The following ENOX1 variants were observed in gnomAD, a reference collection of about 807,000 sequenced individuals.
ENOX1 encodes candidate growth-related and time keeping constitutive hydroquinone (NADH) oxidase.
ENOX1 carries 42 observed loss-of-function variants against 82.5 expected under a neutral mutation model. The ratio of observed to expected loss-of-function variants is 0.51; its 90% CI spans 0.40 to 0.66. ENOX1 has a LOEUF of 0.66. Ranked by LOEUF, ENOX1 falls within the 30% of genes least tolerant of loss-of-function variation. The pLI, the probability that ENOX1 is intolerant of heterozygous loss-of-function variation, is 0.00. For missense variants in ENOX1, 608 were observed against 811.6 expected (o/e 0.75, Z 3.05); for synonymous variants, 271 against 282.2 (o/e 0.96, Z 0.40).
chr13:43,769,752 G>A (rs1396347620), intron 1 of ENOX1, among the ~76,000 whole-genome samples: 1 of 152,118 alleles, frequency 6.6e-6, no homozygotes, highest in Non-Finnish European at 1.5e-5. Context: ...AAAACCACAG[G>A]AGCTTTGATT....
intron 1 of ENOX1, among the ~76,000 whole-genome samples, chr13:43,688,424 C>T (rs1994874): frequency 0.098 from 14,840 of 152,040 alleles, 1,214 homozygotes; most frequent in East Asian, 0.28. Context: ...GGCAATTGAC[C>T]AGATGAGAGG....
At chr13:43,754,230 T>C (rs980973788) in intron 1 of ENOX1, among the ~76,000 whole-genome samples, 7 of 148,590 alleles carry the variant, frequency 4.7e-5, no homozygotes, top group Non-Finnish European at 7.4e-5. Flanking sequence ...CATACATGTG[T>C]ATACATATGT....
chr13:43,308,412 G>A (rs1188939574), intron 11 of ENOX1, among the ~76,000 whole-genome samples: 1 of 151,770 alleles, frequency 6.6e-6, no homozygotes, highest in Non-Finnish European at 1.5e-5. Context: ...AACCCGTTTT[G>A]TCCTTCTTTC....
chr13:43,228,494 T>G (rs1295299461), intron 15 of ENOX1, among the ~76,000 whole-genome samples: 2 of 152,242 alleles, frequency 1.3e-5, no homozygotes, highest in Non-Finnish European at 2.9e-5. Context: ...TAAAAACTAC[T>G]TTAGAAAGAG....
At chr13:43,390,454 C>A (rs982214792) in intron 5 of ENOX1, among the ~76,000 whole-genome samples, 1 of 151,726 alleles carries the variant, frequency 6.6e-6, no homozygotes, top group Non-Finnish European at 1.5e-5. Flanking sequence ...ACTGTGTCAG[C>A]CAATAATGCA....
At position 43,312,522 on chromosome 13, in the gene ENOX1, C is replaced by T. The variant is rs779031933; in HGVS notation, c.1261+9862G>A. ...AAGCATGTGCCTGAGGTTTGAGGAA[C>T]GTCTTCATTTTTCTCTTTATCTTTT... On this transcript the variant is annotated intron_variant, in intron 11 of 16. Coordinates refer to ENST00000690772, the MANE Select transcript of ENOX1 (RefSeq NM_001347969.2). Among the ~76,000 whole-genome samples the T allele has an allele frequency of 1.6e-4, 24 of 152,128 alleles. 1 individual carries two copies. The highest frequency in any genetic ancestry group is 4.1e-4 in the South Asian group (2 of 4,820).
intron 11 of ENOX1, among the ~76,000 whole-genome samples, chr13:43,310,075 C>T (rs1053530852): frequency 1.8e-4 from 27 of 151,570 alleles, no homozygotes; most frequent in South Asian, 4.2e-4. Flanking sequence ...TGGTGGCACA[C>T]ACCTGTAGTC....
intron 5 of ENOX1, among the ~76,000 whole-genome samples, chr13:43,383,667 T>A (rs2052218672): frequency 6.6e-6 from 1 of 152,206 alleles, no homozygotes. Flanking sequence ...GGCCTCCTGC[T>A]GCTGTTGTTT....
chr13:43,562,576 C>G (rs1272854293), intron 2 of ENOX1, among the ~76,000 whole-genome samples: 1 of 152,084 alleles, frequency 6.6e-6, no homozygotes. Flanking sequence ...CCAAAAGGCA[C>G]AGAGTGGCTG....
At chr13:43,707,524 A>G (rs1594496490) in intron 1 of ENOX1, among the ~76,000 whole-genome samples, 1 of 152,240 alleles carries the variant, frequency 6.6e-6, no homozygotes, top group East Asian at 1.9e-4. Flanking sequence ...TCATGAGGTC[A>G]AGAGATCGAG....
At chr13:43,515,995 C>G (rs1257334097) in intron 2 of ENOX1, among the ~76,000 whole-genome samples, 1 of 152,142 alleles carries the variant, frequency 6.6e-6, no homozygotes, top group Non-Finnish European at 1.5e-5. Flanking sequence ...TAACCTATAC[C>G]TGCAAATCTA....
chr13:43,514,123 C>T (rs1289997305), intron 2 of ENOX1, among the ~76,000 whole-genome samples: 1 of 152,078 alleles, frequency 6.6e-6, no homozygotes, highest in Non-Finnish European at 1.5e-5. Context: ...CTTCTTGAGA[C>T]AAAGAGGCAA....
At chr13:43,494,682 G>T (rs1443998258) in intron 2 of ENOX1, among the ~76,000 whole-genome samples, 2 of 152,186 alleles carry the variant, frequency 1.3e-5, no homozygotes, top group East Asian at 3.8e-4. Context: ...TAAGATGATT[G>T]TGAAATTGAG....
chr13:43,456,078 C>A (rs1222855126), intron 3 of ENOX1, among the ~76,000 whole-genome samples: 1 of 151,882 alleles, frequency 6.6e-6, no homozygotes, highest in Non-Finnish European at 1.5e-5. Context: ...ATTTCCAATA[C>A]CTCCTTCTTA....
intron 2 of ENOX1, among the ~76,000 whole-genome samples, chr13:43,526,122 T>C (rs191109303): frequency 3.3e-5 from 5 of 152,268 alleles, no homozygotes; most frequent in Non-Finnish European, 7.4e-5. Flanking sequence ...TATACAACAA[T>C]ATAGTGTACT....
chr13:43,677,995 T>A (rs1020639743), intron 1 of ENOX1, among the ~76,000 whole-genome samples: 1 of 152,220 alleles, frequency 6.6e-6, no homozygotes, highest in Non-Finnish European at 1.5e-5. Flanking sequence ...TAGACTTCAC[T>A]AATTCGGAAT....
At chr13:43,468,879 T>C (rs950589002) in intron 3 of ENOX1, among the ~76,000 whole-genome samples, 1 of 152,196 alleles carries the variant, frequency 6.6e-6, no homozygotes, top group East Asian at 1.9e-4. Flanking sequence ...ATGAATAAAA[T>C]TGTTTTCTTA....
intron 1 of ENOX1, among the ~76,000 whole-genome samples, chr13:43,763,569 A>G (rs545156566): frequency 6.6e-6 from 1 of 152,202 alleles, no homozygotes; most frequent in African/African-American, 2.4e-5. Flanking sequence ...CTGAAAATCA[A>G]CTAGTTGCTT....
At chr13:43,268,385 A>G (rs1300638942) in intron 13 of ENOX1, among the ~76,000 whole-genome samples, 1 of 152,234 alleles carries the variant, frequency 6.6e-6, no homozygotes, top group Non-Finnish European at 1.5e-5. Context: ...ATCTGAAATC[A>G]TACAGAGTCA....
Sources: allele counts gnomAD v4.1 joint callset (sites outside exome capture counted in the v4.1 genomes callset), GRCh38; gene constraint gnomAD v4.1.1; transcripts MANE v1.5; gene names NCBI Gene and HGNC (gene_info 2026-07-23, HGNC 2026-07-21).